The following MRAP2 variants were observed in gnomAD, a reference collection of about 807,000 sequenced individuals.
MRAP2 encodes the protein melanocortin-2 receptor accessory protein 2.
MRAP2 carries 20 observed loss-of-function variants against 17.4 expected under a neutral mutation model. The ratio of observed to expected loss-of-function variants is 1.15; its 90% CI spans 0.81 to 1.67. The LOEUF is 1.67. MRAP2 is among the 40% of genes most tolerant of loss of function. MRAP2 has a pLI of 0.00. For synonymous variants in MRAP2, 96 were observed against 88.4 expected (o/e 1.09, Z -0.48); for missense variants, 238 against 240.0 (o/e 0.99, Z 0.05).
the MRAP2 span, among the ~76,000 whole-genome samples, chr6:84,132,482 A>G: frequency 6.6e-6 from 1 of 152,162 alleles, no homozygotes; most frequent in East Asian, 1.9e-4. Context: ...AGGTACACCA[A>G]TCAGACATAG....
intron 2 of MRAP2, among the ~76,000 whole-genome samples, chr6:84,057,117 C>T (rs1030969337): frequency 1.3e-5 from 2 of 152,056 alleles, no homozygotes; most frequent in African/African-American, 4.8e-5. Flanking sequence ...AAAATATATG[C>T]GACACATTGA....
chr6:84,104,686 C>G, the MRAP2 span, among the ~76,000 whole-genome samples: 2 of 151,956 alleles, frequency 1.3e-5, no homozygotes. Flanking sequence ...GGACAACATG[C>G]TGAAACCCTG....
chr6:84,034,465 TCCCCGCCGCCCCA>T (rs1168554148), intron 1 of MRAP2, among the ~76,000 whole-genome samples: 1 of 148,872 alleles, frequency 6.7e-6, no homozygotes, highest in Non-Finnish European at 1.5e-5. Context: ...TTTTACACTT[TCCCCGCCGCCCCA>T]CCCCGCAACC....
chr6:84,074,621 C>G (rs1209669972), intron 3 of MRAP2, among the ~76,000 whole-genome samples: 1 of 152,148 alleles, frequency 6.6e-6, no homozygotes, highest in Non-Finnish European at 1.5e-5. Flanking sequence ...CCACCTGTGC[C>G]CTGACTCCCT....
intron 3 of MRAP2, among the ~76,000 whole-genome samples, chr6:84,080,685 A>G (rs1352818036): frequency 6.6e-6 from 1 of 152,238 alleles, no homozygotes; most frequent in Non-Finnish European, 1.5e-5. Flanking sequence ...GTGCTGGTCC[A>G]GCATTATTCT....
chr6:84,116,670 A>G, the MRAP2 span, among the ~76,000 whole-genome samples: 2 of 152,060 alleles, frequency 1.3e-5, no homozygotes, highest in East Asian at 3.9e-4. Context: ...TTCCTTCAAT[A>G]CCTAGTTTTT....
intron 3 of MRAP2, among the ~76,000 whole-genome samples, chr6:84,077,408 C>T (rs913097278): frequency 7.2e-5 from 11 of 152,256 alleles, no homozygotes; most frequent in Middle Eastern, 3.4e-3. Flanking sequence ...TCACATCCTT[C>T]GTGGCTAGAC....
chr6:84,047,605 A>C (rs1263129876), intron 1 of MRAP2, among the ~76,000 whole-genome samples: 2 of 152,220 alleles, frequency 1.3e-5, no homozygotes, highest in Non-Finnish European at 2.9e-5. Context: ...AAATATATTT[A>C]CATTGTTGTA....
the MRAP2 span, among the ~76,000 whole-genome samples, chr6:84,119,673 C>T: frequency 2.0e-5 from 3 of 152,166 alleles, no homozygotes; most frequent in Non-Finnish European, 4.4e-5. Flanking sequence ...TTGAAAATGT[C>T]ATACACAGAA....
chr6:84,036,039 A>G (rs757536688), intron 1 of MRAP2, among the ~76,000 whole-genome samples: 1 of 152,182 alleles, frequency 6.6e-6, no homozygotes, highest in African/African-American at 2.4e-5. Flanking sequence ...ATGTTTGTGT[A>G]ATATATTTAA....
intron 3 of MRAP2, among the ~76,000 whole-genome samples, chr6:84,073,245 C>T (rs1002408754): frequency 4.6e-5 from 7 of 152,240 alleles, no homozygotes; most frequent in Middle Eastern, 3.4e-3. Flanking sequence ...ACCCAGCGAG[C>T]GCCCAGGGCC....
chr6:84,052,821 T>A, intron 1 of MRAP2: 12 of 984,838 alleles, frequency 1.2e-5, no homozygotes, highest in Non-Finnish European at 1.4e-5. Flanking sequence ...TCTCAGTGTT[T>A]GTCAGAGCTT....
the MRAP2 span, among the ~76,000 whole-genome samples, chr6:84,135,724 G>A: frequency 1.3e-5 from 2 of 152,084 alleles, no homozygotes. Flanking sequence ...TTAGCCGGGT[G>A]TGATGGCACA....
the MRAP2 span, among the ~76,000 whole-genome samples, chr6:84,127,552 T>C: frequency 0.11 from 17,484 of 152,144 alleles, 1,239 homozygotes; most frequent in Middle Eastern, 0.19. Flanking sequence ...AAAAACTGTA[T>C]GTGTTAAAAT....
At chr6:84,069,992 G>T (rs1264756861) in intron 3 of MRAP2, among the ~76,000 whole-genome samples, 1 of 151,438 alleles carries the variant, frequency 6.6e-6, no homozygotes, top group Non-Finnish European at 1.5e-5. Flanking sequence ...TCTTTTCTTG[G>T]TTATTCTTGC....
At chr6:84,086,288 G>A (rs1321975846) in intron 3 of MRAP2, among the ~76,000 whole-genome samples, 2 of 152,212 alleles carry the variant, frequency 1.3e-5, no homozygotes, top group South Asian at 4.1e-4. Context: ...GGAACAATAT[G>A]GGTGGTGCCA....
chr6:84,139,709 T>C, the MRAP2 span, among the ~76,000 whole-genome samples: 1 of 152,218 alleles, frequency 6.6e-6, no homozygotes. Context: ...TCCTGGTCCT[T>C]CTTTTCCATA....
At chr6:84,037,258 C>T (rs532064336) in intron 1 of MRAP2, among the ~76,000 whole-genome samples, 7 of 151,508 alleles carry the variant, frequency 4.6e-5, no homozygotes, top group Non-Finnish European at 1.0e-4. Context: ...TAAAAGTTCT[C>T]CAAGTCCCCA....
chr6:84,105,792 C>A, the MRAP2 span, among the ~76,000 whole-genome samples: 2 of 152,066 alleles, frequency 1.3e-5, no homozygotes, highest in Admixed American at 6.6e-5. Context: ...GGATTGCAAT[C>A]TTCACTTTCA....
Sources: allele counts gnomAD v4.1 joint callset (sites outside exome capture counted in the v4.1 genomes callset), GRCh38; gene constraint gnomAD v4.1.1; transcripts MANE v1.5; gene names NCBI Gene and HGNC (gene_info 2026-07-23, HGNC 2026-07-21).